Variants in KHDRBS2 observed in about 807,000 individuals in gnomAD.
KHDRBS2 encodes the protein KH RNA binding domain containing, signal transduction associated 2.
KHDRBS2 carries 26 observed loss-of-function variants against 44.3 expected under a neutral mutation model. The observed-to-expected ratio is 0.59, with a 90% CI of 0.43 to 0.81. The LOEUF is 0.81. KHDRBS2 is among the 40% of genes least tolerant of loss of function. The pLI is 0.00. For synonymous variants in KHDRBS2, 194 were observed against 151.1 expected, an observed-to-expected ratio of 1.28 and a Z score of -2.08; for missense variants, 476 against 433.1, an observed-to-expected ratio of 1.10 and a Z score of -0.88.
chr6:62,078,588 G>A (rs1467177899), intron 2 of KHDRBS2, among the ~76,000 whole-genome samples: 5 of 151,806 alleles, frequency 3.3e-5, no homozygotes, highest in Admixed American at 2.6e-4. Context: ...CTGTATTAGA[G>A]GAAGTGAGAA....
At chr6:61,671,311 T>C in the KHDRBS2 span, among the ~76,000 whole-genome samples, 1 of 151,668 alleles carries the variant, frequency 6.6e-6, no homozygotes, top group Non-Finnish European at 1.5e-5. Context: ...GAACAGGAAC[T>C]TAAGATTAGT....
chr6:62,259,028 G>A (rs1283777706), intron 1 of KHDRBS2, among the ~76,000 whole-genome samples: 3 of 152,054 alleles, frequency 2.0e-5, no homozygotes, highest in Non-Finnish European at 4.4e-5. Flanking sequence ...CAGCCCAGGA[G>A]AGAAACCAGT....
At chr6:62,195,296 T>A (rs1424353508) in intron 1 of KHDRBS2, among the ~76,000 whole-genome samples, 1 of 152,206 alleles carries the variant, frequency 6.6e-6, no homozygotes, top group Non-Finnish European at 1.5e-5. Context: ...AACTCACTTA[T>A]TAGTTCTAAT....
At chr6:62,258,602 C>T (rs1837814316) in intron 1 of KHDRBS2, among the ~76,000 whole-genome samples, 1 of 151,900 alleles carries the variant, frequency 6.6e-6, no homozygotes, top group Non-Finnish European at 1.5e-5. Flanking sequence ...TTGTCTCATT[C>T]ATAAAATTAT....
chr6:62,221,297 C>G (rs1300694816), intron 1 of KHDRBS2, among the ~76,000 whole-genome samples: 3 of 151,848 alleles, frequency 2.0e-5, no homozygotes, highest in Non-Finnish European at 4.4e-5. Flanking sequence ...ACAGTGGTTA[C>G]TAGGATTAAG....
chr6:62,254,356 C>T (rs1332005453), intron 1 of KHDRBS2, among the ~76,000 whole-genome samples: 1 of 152,104 alleles, frequency 6.6e-6, no homozygotes, highest in East Asian at 1.9e-4. Context: ...CAGTGAACCA[C>T]AAGGAGACAG....
chr6:62,160,190 T>A (rs1045202894), intron 2 of KHDRBS2, among the ~76,000 whole-genome samples: 20 of 151,976 alleles, frequency 1.3e-4, no homozygotes, highest in African/African-American at 4.6e-4. Flanking sequence ...CATTCTGACA[T>A]GAAGAGACCA....
At chr6:62,125,365 C>T (rs1463915084) in intron 2 of KHDRBS2, among the ~76,000 whole-genome samples, 2 of 152,280 alleles carry the variant, frequency 1.3e-5, no homozygotes, top group Admixed American at 6.5e-5. Context: ...GTAAGCCTTG[C>T]CATCCTCGGC....
chr6:61,721,990 A>C (rs1157714507), intron 7 of KHDRBS2, among the ~76,000 whole-genome samples: 1 of 149,754 alleles, frequency 6.7e-6, no homozygotes, highest in South Asian at 2.1e-4. Flanking sequence ...TAGCATGAAG[A>C]GTTGTTGAAT....
intron 4 of KHDRBS2, among the ~76,000 whole-genome samples, chr6:61,918,684 T>A (rs1254868692): frequency 6.6e-6 from 1 of 151,968 alleles, no homozygotes; most frequent in Non-Finnish European, 1.5e-5. Context: ...TAAGACAGGC[T>A]GTATGGGTGC....
chr6:61,686,725 A>G (rs1766853166), intron 8 of KHDRBS2, among the ~76,000 whole-genome samples: 1 of 151,546 alleles, frequency 6.6e-6, no homozygotes, highest in Non-Finnish European at 1.5e-5. Context: ...AGTTGTTGGG[A>G]AAATACAGAA....
At chr6:61,989,794 C>T (rs1775784936) in intron 3 of KHDRBS2, among the ~76,000 whole-genome samples, 1 of 152,194 alleles carries the variant, frequency 6.6e-6, no homozygotes, top group Admixed American at 6.5e-5. Flanking sequence ...CCCTGCCCTA[C>T]TATCTCCATG....
In KHDRBS2 at chr6:61,842,392, G is replaced by A. The variant is rs147973035; in HGVS notation, c.810+52243C>T. Among the ~76,000 whole-genome samples the A allele has an allele frequency of 6.8e-3, 1,039 of 152,226 alleles. 7 individuals carry two copies. The highest frequency in any genetic ancestry group is 0.017 in the Middle Eastern group (5 of 294). On this transcript the variant is annotated intron_variant, in intron 6 of 8. Transcript: ENST00000281156. Reference sequence around the variant, plus strand: ...CAAACATACATTCAAAACTTGTTTTGAATAATCACAGTCTATATTACCTTT... The same window carrying A: ...CAAACATACATTCAAAACTTGTTTTAAATAATCACAGTCTATATTACCTTT...
At chr6:61,885,152 G>A (rs986822061) in intron 6 of KHDRBS2, among the ~76,000 whole-genome samples, 11 of 151,576 alleles carry the variant, frequency 7.3e-5, no homozygotes, top group African/African-American at 1.2e-4. Flanking sequence ...GGAGGTCTAC[G>A]TTTTGATCAT....
At chr6:61,608,417 G>C in the KHDRBS2 span, among the ~76,000 whole-genome samples, 1 of 151,814 alleles carries the variant, frequency 6.6e-6, no homozygotes, top group African/African-American at 2.4e-5. Flanking sequence ...GTTTAAGATG[G>C]TATTTAATTT....
intron 6 of KHDRBS2, among the ~76,000 whole-genome samples, chr6:61,837,183 G>T (rs1792825402): frequency 6.6e-6 from 1 of 151,922 alleles, no homozygotes; most frequent in Admixed American, 6.6e-5. Flanking sequence ...CACAAATCAG[G>T]ACGTATCTCA....
chr6:62,091,540 C>T (rs1379772389), intron 2 of KHDRBS2, among the ~76,000 whole-genome samples: 1 of 152,052 alleles, frequency 6.6e-6, no homozygotes, highest in Admixed American at 6.6e-5. Flanking sequence ...CTGTATTTTT[C>T]TACAGTTTCT....
At chr6:62,227,582 C>A (rs1214331829) in intron 1 of KHDRBS2, among the ~76,000 whole-genome samples, 1 of 152,136 alleles carries the variant, frequency 6.6e-6, no homozygotes, top group Non-Finnish European at 1.5e-5. Context: ...CAGTAAGAGA[C>A]AGCATCCTTG....
intron 6 of KHDRBS2, among the ~76,000 whole-genome samples, chr6:61,796,330 G>A (rs1028748080): frequency 6.6e-6 from 1 of 151,868 alleles, no homozygotes. Flanking sequence ...GAATGATTAT[G>A]TAATTAGCAT....
Sources: allele counts gnomAD v4.1 joint callset (sites outside exome capture counted in the v4.1 genomes callset), GRCh38; gene constraint gnomAD v4.1.1; transcripts MANE v1.5; gene names NCBI Gene and HGNC (gene_info 2026-07-23, HGNC 2026-07-21).